TMTC2: variants seen among roughly 807,000 people sequenced by gnomAD.
TMTC2 encodes protein O-mannosyl-transferase TMTC2.
A neutral mutation model predicts 82.4 loss-of-function variants in TMTC2; 43 were observed. The observed-to-expected ratio is 0.52, with a 90% CI of 0.41 to 0.67. The LOEUF (loss-of-function observed/expected upper bound fraction) is 0.67, where lower values mean the gene tolerates loss of function less well. Ranked by LOEUF, TMTC2 falls within the 30% of genes least tolerant of loss-of-function variation. The pLI, the probability that TMTC2 is intolerant of heterozygous loss-of-function variation, is 0.00. For synonymous variants in TMTC2, 408 were observed against 381.9 expected (o/e 1.07, Z -0.80); for missense variants, 919 against 1,012.4 (o/e 0.91, Z 1.25).
intron 2 of TMTC2, among the ~76,000 whole-genome samples, chr12:82,891,330 A>T (rs1796190): frequency 4.8e-4 from 73 of 152,054 alleles, no homozygotes; most frequent in African/African-American, 1.8e-3. Flanking sequence ...TTTTTTGAGA[A>T]GAAGTTTGGC....
At chr12:82,988,642 C>T (rs1435565614) in intron 8 of TMTC2, among the ~76,000 whole-genome samples, 1 of 151,514 alleles carries the variant, frequency 6.6e-6, no homozygotes, top group African/African-American at 2.4e-5. Flanking sequence ...TCCTTAATAC[C>T]CCTCCCCTAT....
At chr12:82,739,216 G>C (rs1378651913) in intron 1 of TMTC2, among the ~76,000 whole-genome samples, 1 of 151,742 alleles carries the variant, frequency 6.6e-6, no homozygotes, top group African/African-American at 2.4e-5. Context: ...AATGAATATG[G>C]CAGTGATTGT....
At chr12:83,011,631 C>T (rs539152968) in intron 8 of TMTC2, among the ~76,000 whole-genome samples, 86 of 152,182 alleles carry the variant, frequency 5.7e-4, no homozygotes, top group Non-Finnish European at 9.7e-4. Flanking sequence ...GTTCCATTCA[C>T]TCATTCTTTG....
intron 3 of TMTC2, among the ~76,000 whole-genome samples, chr12:82,914,979 C>T (rs1232356968): frequency 6.6e-6 from 1 of 151,944 alleles, no homozygotes; most frequent in African/African-American, 2.4e-5. Context: ...GCATGCACCA[C>T]CACGCCCGGC....
chr12:82,899,396 T>C (rs1873845993), intron 3 of TMTC2, among the ~76,000 whole-genome samples: 1 of 151,734 alleles, frequency 6.6e-6, no homozygotes. Flanking sequence ...CTGACATCCA[T>C]TCCATCAGCA....
In TMTC2 at chr12:83,108,792, G is replaced by A. The variant is rs1363383948; in HGVS notation, c.2332-23418G>A. Among the ~76,000 whole-genome samples the A allele has an allele frequency of 2.0e-5, 3 of 152,114 alleles. No homozygotes were observed. The East Asian group carries it at 5.8e-4, about 29-fold the overall frequency. ...GGTCCCCGAACTATAAGTAACAGCTGCTTCAGTGATTAAAGTTAGGTGCTA... is the reference window on the plus strand; with the variant it reads ...GGTCCCCGAACTATAAGTAACAGCTACTTCAGTGATTAAAGTTAGGTGCTA... On this transcript the variant is annotated intron_variant, in intron 11 of 11. Coordinates refer to ENST00000321196, the MANE Select transcript of TMTC2 (RefSeq NM_152588.3).
chr12:82,981,061 A>G (rs568305100), intron 7 of TMTC2, among the ~76,000 whole-genome samples: 21 of 151,992 alleles, frequency 1.4e-4, no homozygotes, highest in Middle Eastern at 6.8e-3. Context: ...CATCATATGC[A>G]TTGTTCGTGT....
At chr12:83,028,757 G>A (rs1357509084) in intron 8 of TMTC2, among the ~76,000 whole-genome samples, 1 of 152,122 alleles carries the variant, frequency 6.6e-6, no homozygotes, top group Non-Finnish European at 1.5e-5. Context: ...TAGGCTGCCT[G>A]ATTTGTTACA....
chr12:82,706,817 T>C (rs1873381283), intron 1 of TMTC2, among the ~76,000 whole-genome samples: 1 of 152,092 alleles, frequency 6.6e-6, no homozygotes, highest in South Asian at 2.1e-4. Context: ...AACACATATG[T>C]AGATCACTTT....
At chr12:83,003,010 T>C (rs946447041) in intron 8 of TMTC2, among the ~76,000 whole-genome samples, 1 of 152,138 alleles carries the variant, frequency 6.6e-6, no homozygotes, top group Non-Finnish European at 1.5e-5. Context: ...ACGCTGTCAG[T>C]GGGGAGTTAA....
intron 1 of TMTC2, among the ~76,000 whole-genome samples, chr12:82,751,324 G>C (rs1875989457): frequency 6.6e-6 from 1 of 151,342 alleles, no homozygotes; most frequent in Non-Finnish European, 1.5e-5. Flanking sequence ...ACTCATAGGT[G>C]GGAATTGAAC....
intron 10 of TMTC2, among the ~76,000 whole-genome samples, chr12:83,056,117 G>A (rs1265024829): frequency 6.6e-6 from 1 of 151,984 alleles, no homozygotes; most frequent in Non-Finnish European, 1.5e-5. Context: ...TAAATGCTCA[G>A]TAGTGAGGGC....
At chr12:83,021,666 C>T (rs1880936361) in intron 8 of TMTC2, among the ~76,000 whole-genome samples, 1 of 152,110 alleles carries the variant, frequency 6.6e-6, no homozygotes, top group African/African-American at 2.4e-5. Flanking sequence ...ACCTGATCCA[C>T]TGGCCACTTG....
chr12:82,833,630 A>C (rs1869870736), intron 1 of TMTC2, among the ~76,000 whole-genome samples: 1 of 152,252 alleles, frequency 6.6e-6, no homozygotes, highest in Non-Finnish European at 1.5e-5. Context: ...AAATCTGCCA[A>C]ATATACAGCT....
At chr12:82,886,640 G>C (rs929599244) in intron 2 of TMTC2, among the ~76,000 whole-genome samples, 1 of 151,996 alleles carries the variant, frequency 6.6e-6, no homozygotes, top group Non-Finnish European at 1.5e-5. Context: ...TATTTTTTGC[G>C]ATACCAAACA....
At chr12:82,851,301 G>A (rs528816434) in intron 1 of TMTC2, among the ~76,000 whole-genome samples, 2 of 151,964 alleles carry the variant, frequency 1.3e-5, no homozygotes, top group African/African-American at 4.8e-5. Flanking sequence ...GTGGTGGTGG[G>A]CACCTGTAAT....
At chr12:83,005,937 G>C (rs1053973754) in intron 8 of TMTC2, among the ~76,000 whole-genome samples, 4 of 152,168 alleles carry the variant, frequency 2.6e-5, no homozygotes, top group African/African-American at 9.7e-5. Context: ...AGAACCCTTG[G>C]ATATCGATGC....
chr12:82,881,950 T>G (rs1375096091), intron 2 of TMTC2, among the ~76,000 whole-genome samples: 1 of 152,066 alleles, frequency 6.6e-6, no homozygotes, highest in East Asian at 1.9e-4. Flanking sequence ...ATTTTTCACC[T>G]TTTCCCACGT....
At chr12:83,109,336 C>T (rs1047931390) in intron 11 of TMTC2, among the ~76,000 whole-genome samples, 1 of 152,050 alleles carries the variant, frequency 6.6e-6, no homozygotes, top group African/African-American at 2.4e-5. Flanking sequence ...GACAGAGTAC[C>T]ATGGAGAAAA....
Sources: allele counts gnomAD v4.1 joint callset (sites outside exome capture counted in the v4.1 genomes callset), GRCh38; gene constraint gnomAD v4.1.1; transcripts MANE v1.5; gene names NCBI Gene and HGNC (gene_info 2026-07-23, HGNC 2026-07-21).